The following SPIB variants were observed in gnomAD, a reference collection of about 807,000 sequenced individuals.
SPIB encodes transcription factor Spi-B.
Under a neutral mutation model 31.9 loss-of-function variants are expected in SPIB, and 7 were observed. The observed-to-expected ratio is 0.22, with a 90% CI of 0.12 to 0.41. The LOEUF (loss-of-function observed/expected upper bound fraction) is 0.41, where lower values mean the gene tolerates loss of function less well. Ranked by LOEUF, SPIB falls within the 10% of genes least tolerant of loss-of-function variation. The probability of loss-of-function intolerance (pLI) is 1.00; values close to 1 mark genes in which losing one functional copy is unlikely to be tolerated. For synonymous variants in SPIB, 176 were observed against 158.9 expected (o/e 1.11, Z -0.81); for missense variants, 327 against 360.2 (o/e 0.91, Z 0.75).
chr19:50,426,157 T>G (rs943842215), intron 5 of SPIB, among the ~76,000 whole-genome samples: 10 of 152,170 alleles, frequency 6.6e-5, no homozygotes, highest in South Asian at 6.2e-4. Flanking sequence ...TGCAGTGAGC[T>G]GAGATCATGC....
At position 50,423,644 on chromosome 19, in the gene SPIB, G is replaced by A. The variant is rs772054354; in HGVS notation, c.379G>A (p.Val127Met). The A allele has an allele frequency of 1.9e-6, 3 of 1,614,092 alleles. No homozygotes were observed. Among genetic ancestry groups the A allele is most frequent in the Non-Finnish European group, 8.5e-7 (1 of 1,180,014 alleles). Residue 127 changes from valine to methionine, a missense_variant, in exon 5 of 6, where the codon GTG becomes ATG. Transcript: ENST00000595883. ...PPAYAPYPSP[V>M]LSEEEDLPLD... ...GGCATATGCCCCGTACCCCAGCCCT[G>A]TGCTATCAGAGGAGGAAGACTTACC...
intron 5 of SPIB, among the ~76,000 whole-genome samples, chr19:50,426,843 A>C (rs532811847): frequency 6.6e-6 from 1 of 152,146 alleles, no homozygotes; most frequent in Admixed American, 6.5e-5. Flanking sequence ...AATTATAAGA[A>C]TTCAATCCGG....
intron 1 of SPIB, 23 bp downstream of exon 1, chr19:50,419,008 G>A (rs761958052): frequency 6.4e-7 from 1 of 1,550,952 alleles, no homozygotes; most frequent in Non-Finnish European, 8.7e-7. Flanking sequence ...CCCCAAACCT[G>A]CACCCGGGGT....
intron 3 of SPIB, 110 bp downstream of exon 3, chr19:50,422,655 G>C: frequency 7.8e-7 from 1 of 1,277,776 alleles, no homozygotes; most frequent in Non-Finnish European, 1.1e-6. Context: ...AAGGTGGCCC[G>C]GGCCTATAGC....
At position 50,419,927 on chromosome 19, in the gene SPIB, T is replaced by TG. The variant is rs760711322; in HGVS notation, c.24-18dup. The TG allele has an allele frequency of 1.3e-6, 2 of 1,541,498 alleles. No homozygotes were observed. Among genetic ancestry groups the TG allele is most frequent in the East Asian group, 2.7e-5 (1 of 37,476 alleles). ...GCTGGAGGCAGCCTCAGCATGCCCC[T>TG]GTGTCTCTCCCCCTCCAGGCTCGAC... On this transcript the variant is annotated intron_variant, in intron 1 of 5. Coordinates refer to ENST00000595883, the MANE Select transcript of SPIB (RefSeq NM_003121.5).
chr19:50,419,506 C>G (rs1184377431), intron 1 of SPIB, among the ~76,000 whole-genome samples: 5 of 152,156 alleles, frequency 3.3e-5, no homozygotes, highest in Non-Finnish European at 5.9e-5. Flanking sequence ...ACACCTTTCT[C>G]TGTGTCCCAC....
At chr19:50,427,868 C>A (rs964290848) in intron 5 of SPIB, among the ~76,000 whole-genome samples, 170 bp from the exon 6 acceptor site, 3 of 55,368 alleles carry the variant, frequency 5.4e-5, no homozygotes, top group Non-Finnish European at 1.6e-4. Flanking sequence ...GCCCCCCCCC[C>A]CCCCCGTGGT....
At chr19:50,423,209 A>G in intron 4 of SPIB, 172 bp downstream of exon 4, 1 of 438,098 alleles carries the variant, frequency 2.3e-6, no homozygotes, top group East Asian at 3.6e-5. Context: ...TGTCTCAAAA[A>G]AAAAAAAAAA....
chr19:50,419,787 G>T (rs1217961633), intron 1 of SPIB, 159 bp from the exon 2 acceptor site: 2 of 620,178 alleles, frequency 3.2e-6, no homozygotes, highest in South Asian at 2.7e-5. Flanking sequence ...TGTCCCAGCA[G>T]GGGGTAGTGG....
intron 5 of SPIB, among the ~76,000 whole-genome samples, chr19:50,427,425 T>G (rs1398103498): frequency 2.0e-5 from 3 of 152,158 alleles, no homozygotes; most frequent in African/African-American, 7.2e-5. Context: ...CTCGGGAGGC[T>G]GAGGCAGCAG....
chr19:50,426,111 A>C (rs1413444818), intron 5 of SPIB, among the ~76,000 whole-genome samples: 1 of 152,136 alleles, frequency 6.6e-6, no homozygotes, highest in African/African-American at 2.4e-5. Context: ...TGGGAGGCTG[A>C]GGCAGGAGAA....
intron 5 of SPIB, among the ~76,000 whole-genome samples, chr19:50,426,486 T>A (rs1297412490): frequency 6.6e-6 from 1 of 152,088 alleles, no homozygotes; most frequent in African/African-American, 2.4e-5. Flanking sequence ...GTCCAACTTT[T>A]ATTTAGTTTT....
rs2039637549 is a variant in SPIB at position 50,431,238 on chromosome 19, G to C, written c.*2902G>C. 1 of 152,092 alleles carries C rather than the reference G, an allele frequency of 6.6e-6. No individual in the cohort carries two copies. Among genetic ancestry groups the C allele is most frequent in the Non-Finnish European group, 1.5e-5 (1 of 68,048 alleles). 9.4% of individuals were successfully genotyped at this position (152,092 alleles called of 1,614,324 possible). A position where few individuals can be genotyped will look rare whatever the true frequency, so the allele number is the denominator to read the frequency against. On this transcript the variant is annotated 3_prime_UTR_variant, in exon 6 of 6. Transcript: ENST00000595883. The stretch of plus-strand genomic sequence containing the variant: ...AGGCAGGAGGATCGCTTGAGTACAG[G>C]AGTTTGAAACCAGCCTGGGCAAGAT...
chr19:50,423,555 G>A (rs760090920), intron 4 of SPIB, 50 bp from the exon 5 acceptor site: 7 of 1,591,758 alleles, frequency 4.4e-6, no homozygotes, highest in Non-Finnish European at 6.0e-6. Flanking sequence ...GGAGGAAGTG[G>A]AGGGAGACAA....
intron 4 of SPIB, chr19:50,423,254 T>G (rs558563432): frequency 8.7e-6 from 4 of 458,210 alleles, no homozygotes; most frequent in African/African-American, 4.0e-5. Flanking sequence ...GCTCAGTCAT[T>G]TGGTTGAGGT....
At position 50,423,615 on chromosome 19, in the gene SPIB, C is replaced by G. The variant is rs2039527711; in HGVS notation, c.350C>G (p.Pro117Arg). The change falls in exon 5 of 6, where the codon CCC (proline) becomes CGC (arginine). Residue 117 changes from proline to arginine, a missense_variant. Pro to Arg is a moderately radical substitution (Grantham distance 103). Transcript: ENST00000595883. ...TENFASQTLVPPAYAPYPSPV... is the reference protein window; with the variant it reads ...TENFASQTLVRPAYAPYPSPV... ...CCTGACCTTCCGCAGACCCTGGTTC[C>G]CCCGGCATATGCCCCGTACCCCAGC... 1 of 1,613,768 alleles carries G rather than the reference C, an allele frequency of 6.2e-7. No homozygotes were observed. Among genetic ancestry groups the G allele is most frequent in the East Asian group, 2.2e-5 (1 of 44,864 alleles).
chr19:50,427,783 T>C (rs780825445), intron 5 of SPIB, among the ~76,000 whole-genome samples: 1 of 150,646 alleles, frequency 6.6e-6, no homozygotes, highest in Admixed American at 6.6e-5. Context: ...GCAGGACAGA[T>C]GTAAATCTCG....
rs539566390 is a variant in SPIB, at chr19:50,419,054, A to G, written c.23+69A>G. 34 of 1,532,258 alleles carry G rather than the reference A, an allele frequency of 2.2e-5. No individual in the cohort carries two copies. The African/African-American group carries it at 3.7e-4, about 17-fold the overall frequency. The allele number at this position is 1,532,258 out of a possible 1,614,324, so 94.9% of individuals were successfully genotyped here. A position where few individuals can be genotyped will look rare whatever the true frequency, so the allele number is the denominator to read the frequency against. On this transcript the variant is annotated intron_variant, in intron 1 of 5. Transcript: ENST00000595883. Reference sequence around the variant, plus strand: ...ACTGCCCCTCTGTGGGGCCTCACCCATGGGCAGTGGTTTCTCTGCTCCTCA... The same window carrying G: ...ACTGCCCCTCTGTGGGGCCTCACCCGTGGGCAGTGGTTTCTCTGCTCCTCA...
At chr19:50,419,631 C>T (rs189100130) in intron 1 of SPIB, among the ~76,000 whole-genome samples, 43 of 152,286 alleles carry the variant, frequency 2.8e-4, no homozygotes, top group African/African-American at 9.1e-4. Context: ...CCACCAAGGC[C>T]GCACTTGACC....
Sources: gnomAD v4.1 joint callset for allele counts (sites outside exome capture counted in the v4.1 genomes callset) on GRCh38, gnomAD v4.1.1 for gene constraint, MANE v1.5 for transcripts, NCBI Gene and HGNC (gene_info 2026-07-23, HGNC 2026-07-21) for gene names.